TYW1B: variants seen among roughly 807,000 people sequenced by gnomAD.
TYW1B encodes the protein tRNA-yW synthesizing protein 1 homolog B.
Under a neutral mutation model 86.9 loss-of-function variants are expected in TYW1B, and 73 were observed. The ratio of observed to expected loss-of-function variants is 0.84; its 90% CI spans 0.70 to 1.02. The LOEUF (loss-of-function observed/expected upper bound fraction) is 1.02. Ranked by LOEUF, TYW1B falls within the 50% of genes least tolerant of loss-of-function variation. The pLI is 0.00. For synonymous variants in TYW1B, 248 were observed against 292.8 expected, an observed-to-expected ratio of 0.85 and a Z score of 1.56; for missense variants, 637 against 827.4, an observed-to-expected ratio of 0.77 and a Z score of 2.82.
chr7:72,657,714 T>C (rs532419013), intron 11 of TYW1B, among the ~76,000 whole-genome samples: 94 of 152,276 alleles, frequency 6.2e-4, no homozygotes, highest in African/African-American at 2.2e-3. Flanking sequence ...AAACTGCTTA[T>C]CAAAAATACT....
At chr7:72,752,161 C>T (rs1221006696) in intron 7 of TYW1B, among the ~76,000 whole-genome samples, 5 of 152,186 alleles carry the variant, frequency 3.3e-5, no homozygotes, top group African/African-American at 9.6e-5. Flanking sequence ...AACATCATAA[C>T]TCTTGGTGGG....
chr7:72,826,136 C>G (rs1224172774), intron 2 of TYW1B, among the ~76,000 whole-genome samples: 1 of 152,188 alleles, frequency 6.6e-6, no homozygotes, highest in East Asian at 1.9e-4. Flanking sequence ...AATCTTCACT[C>G]CAGACACAAA....
At chr7:72,605,603 C>T (rs775341214) in intron 13 of TYW1B, among the ~76,000 whole-genome samples, 60 of 152,168 alleles carry the variant, frequency 3.9e-4, no homozygotes, top group African/African-American at 1.1e-3. Flanking sequence ...CCGCCCACTT[C>T]GGCCTCCCAA....
rs781833381 is a variant in TYW1B, at chr7:72,701,283, C to T, written c.1371-6461G>A. 5.3e-5 allele frequency among the ~76,000 whole-genome samples: 8 copies of T among 151,558 alleles called. No homozygotes were observed. The East Asian group carries it at 5.8e-4, about 11-fold the overall frequency. ...ACATTTTCTTTTTATTTATTTTTTG[C>T]GACAAGGTCTCACTCTGTCCCCCAG... is the stretch of plus-strand genomic sequence containing the variant. On this transcript the variant is annotated intron_variant, in intron 10 of 13. Transcript: ENST00000620995.
At chr7:72,632,917 TG>T (rs1304957331) in intron 11 of TYW1B, among the ~76,000 whole-genome samples, 2 of 152,098 alleles carry the variant, frequency 1.3e-5, no homozygotes, top group Non-Finnish European at 2.9e-5. Flanking sequence ...AGCTGGGGTG[TG>T]AACCCAAGCA....
At position 72,728,933 on chromosome 7, in the gene TYW1B, T is replaced by A; in HGVS notation, c.1083-2A>T. ...GTGCCCACAGGGTTGTTGTGGTGCC[T>A]AGGAACAAGACGCAAAGTTCTAAAA... On this transcript the variant is annotated splice_acceptor_variant, in intron 8 of 13. Transcript: ENST00000620995. LOFTEE classifies it high-confidence loss of function. 6.2e-7 allele frequency: 1 copy of A among 1,613,370 alleles called. No homozygotes were observed. The highest frequency in any genetic ancestry group is 8.5e-7 in the Non-Finnish European group (1 of 1,179,512).
chr7:72,734,639 C>T (rs548765758), intron 8 of TYW1B, among the ~76,000 whole-genome samples: 159 of 152,140 alleles, frequency 1.0e-3, no homozygotes, highest in African/African-American at 3.7e-3. Flanking sequence ...TGCTGCACTG[C>T]AAAGGAAACA....
At chr7:72,756,384 G>A (rs1359529335) in intron 7 of TYW1B, among the ~76,000 whole-genome samples, 4 of 151,856 alleles carry the variant, frequency 2.6e-5, no homozygotes, top group South Asian at 2.1e-4. Context: ...ACAGGCATGC[G>A]CCACCATGCC....
intron 13 of TYW1B, among the ~76,000 whole-genome samples, chr7:72,599,656 C>A (rs1489399929): frequency 3.9e-5 from 6 of 152,000 alleles, no homozygotes; most frequent in African/African-American, 1.2e-4. Context: ...AAAAACAAAA[C>A]CCCCTAGGAA....
At chr7:72,735,220 T>C (rs1585940882) in intron 8 of TYW1B, among the ~76,000 whole-genome samples, 1 of 152,120 alleles carries the variant, frequency 6.6e-6, no homozygotes, top group East Asian at 1.9e-4. Context: ...CGTCAGCAGA[T>C]AAATGGATAA....
At chr7:72,632,264 AATAT>A (rs567073853) in intron 11 of TYW1B, among the ~76,000 whole-genome samples, 1 of 105,744 alleles carries the variant, frequency 9.5e-6, no homozygotes, top group South Asian at 3.1e-4. Flanking sequence ...GTCTCCAAAA[AATAT>A]ATATATATAT....
intron 9 of TYW1B, among the ~76,000 whole-genome samples, chr7:72,719,831 G>T (rs1377953740): frequency 6.6e-6 from 1 of 152,130 alleles, no homozygotes; most frequent in East Asian, 1.9e-4. Flanking sequence ...AGACGGAAGA[G>T]CATTCCAGTC....
At chr7:72,610,561 C>G (rs1811908899) in intron 13 of TYW1B, among the ~76,000 whole-genome samples, 1 of 152,024 alleles carries the variant, frequency 6.6e-6, no homozygotes, top group Admixed American at 6.6e-5. Flanking sequence ...CTCAGACCCC[C>G]ATTTCACCCT....
At chr7:72,616,531 T>C in intron 13 of TYW1B, 141 bp downstream of exon 13, 1 of 1,305,566 alleles carries the variant, frequency 7.7e-7, no homozygotes, top group Non-Finnish European at 1.1e-6. Context: ...CAGAATTTAG[T>C]GCTTTCTTAT....
At chr7:72,748,863 A>C (rs1787440414) in intron 7 of TYW1B, among the ~76,000 whole-genome samples, 1 of 152,074 alleles carries the variant, frequency 6.6e-6, no homozygotes, top group Non-Finnish European at 1.5e-5. Context: ...TCTACATCTA[A>C]ATTCCTGAGA....
chr7:72,602,807 TGTA>T (rs1811696354), intron 13 of TYW1B, among the ~76,000 whole-genome samples: 1 of 148,706 alleles, frequency 6.7e-6, no homozygotes, highest in South Asian at 2.1e-4. Context: ...TGGAGAATCT[TGTA>T]GTGCCAGAAA....
At chr7:72,706,994 G>A (rs1355536221) in intron 10 of TYW1B, among the ~76,000 whole-genome samples, 1 of 152,186 alleles carries the variant, frequency 6.6e-6, no homozygotes, top group Non-Finnish European at 1.5e-5. Context: ...CATCAACTGA[G>A]TTTCTGAAGA....
intron 13 of TYW1B, among the ~76,000 whole-genome samples, chr7:72,599,673 G>C (rs1811612527): frequency 6.6e-6 from 1 of 151,670 alleles, no homozygotes; most frequent in Non-Finnish European, 1.5e-5. Context: ...GGAACTAACA[G>C]GTGATTATAG....
chr7:72,602,639 C>T (rs1374854727), intron 13 of TYW1B, among the ~76,000 whole-genome samples: 2 of 152,220 alleles, frequency 1.3e-5, no homozygotes, highest in African/African-American at 2.4e-5. Context: ...AATTCAAAAA[C>T]ACGTGGCTGA....
Sources: allele counts gnomAD v4.1 joint callset (sites outside exome capture counted in the v4.1 genomes callset), GRCh38; gene constraint gnomAD v4.1.1; transcripts MANE v1.5; gene names NCBI Gene and HGNC (gene_info 2026-07-23, HGNC 2026-07-21).